Variants in SRRM4 observed in about 807,000 individuals in gnomAD.
SRRM4 encodes the protein serine/arginine repetitive matrix protein 4.
A neutral mutation model predicts 68.9 loss-of-function variants in SRRM4; 33 were observed. The ratio of observed to expected loss-of-function variants is 0.48; its 90% CI spans 0.36 to 0.64. The LOEUF (loss-of-function observed/expected upper bound fraction) is 0.64. Among genes scored for constraint, SRRM4 ranks in the 30% least tolerant of loss-of-function variants. SRRM4 has a pLI of 0.00. For missense variants in SRRM4, 817 were observed against 827.1 expected (o/e 0.99, Z 0.15); for synonymous variants, 318 against 318.8 (o/e 1.00, Z 0.03).
chr12:119,060,547 A>T (rs1443775092), intron 1 of SRRM4, among the ~76,000 whole-genome samples: 2 of 151,562 alleles, frequency 1.3e-5, no homozygotes, highest in Non-Finnish European at 2.9e-5. Flanking sequence ...AGTGTTCCTT[A>T]TGGCAGTCAG....
intron 3 of SRRM4, among the ~76,000 whole-genome samples, chr12:119,114,926 AGTGCTGGG>A (rs1309856861): frequency 6.6e-6 from 1 of 151,748 alleles, no homozygotes; most frequent in Non-Finnish European, 1.5e-5. Context: ...GGCCTTCCAA[AGTGCTGGG>A]GTTACAAGCG....
chr12:119,156,501 G>T lies in SRRM4; in HGVS notation c.1539G>T (p.Arg513=). 1 of 1,604,042 alleles carries T rather than the reference G, an allele frequency of 6.2e-7. No homozygotes were observed. Among genetic ancestry groups the T allele is most frequent in the Non-Finnish European group, 8.5e-7 (1 of 1,175,190 alleles). Residue 513 remains arginine, a synonymous_variant, in exon 13 of 13, where the codon CGG becomes CGT. Transcript: ENST00000267260. The part of the protein sequence containing the change: ...HLEARRITSA[R]KRPIPYYRPS... ...CTCTCTCTGGTCTCTGCAGTGCCCG[G>T]AAACGCCCCATCCCCTACTATCGGC...
chr12:119,029,361 C>T (rs753031450), intron 1 of SRRM4, among the ~76,000 whole-genome samples: 1 of 152,174 alleles, frequency 6.6e-6, no homozygotes, highest in Non-Finnish European at 1.5e-5. Context: ...TGTGAGCAAA[C>T]AGAGGAGAGA....
intron 6 of SRRM4, among the ~76,000 whole-genome samples, chr12:119,123,801 T>C (rs1954239006): frequency 6.6e-6 from 1 of 152,188 alleles, no homozygotes; most frequent in Admixed American, 6.5e-5. Flanking sequence ...GGCCCTACTA[T>C]GTGACTGGCC....
chr12:119,010,116 G>A (rs1354763879), intron 1 of SRRM4, among the ~76,000 whole-genome samples: 4 of 152,160 alleles, frequency 2.6e-5, no homozygotes, highest in South Asian at 2.1e-4. Context: ...GCAATGGTGC[G>A]ATCTTGGCTC....
intron 1 of SRRM4, among the ~76,000 whole-genome samples, chr12:119,092,889 C>T (rs1384872820): frequency 6.6e-6 from 1 of 152,030 alleles, no homozygotes; most frequent in African/African-American, 2.4e-5. Context: ...CATTACCTCT[C>T]TGACTTTACC....
chr12:119,070,408 T>A (rs1953871317), intron 1 of SRRM4, among the ~76,000 whole-genome samples: 2 of 152,110 alleles, frequency 1.3e-5, no homozygotes, highest in South Asian at 4.2e-4. Flanking sequence ...AGTAGGGGCA[T>A]CTTAGAGTTC....
At chr12:119,130,409 A>AGATG (rs71069491) in intron 7 of SRRM4, among the ~76,000 whole-genome samples, 8,078 of 142,416 alleles carry the variant, frequency 0.057, 376 homozygotes, top group East Asian at 0.25. Context: ...TTGCTTAGAC[A>AGATG]GATGGATGGA....
At chr12:119,048,277 T>C (rs7316677) in intron 1 of SRRM4, among the ~76,000 whole-genome samples, 90,175 of 151,964 alleles carry the variant, frequency 0.59, 27,943 homozygotes, top group Middle Eastern at 0.74. Context: ...CTAACCCAGT[T>C]CCAAATCAGG....
At chr12:119,112,027 G>C (rs1954147407) in intron 2 of SRRM4, among the ~76,000 whole-genome samples, 1 of 151,282 alleles carries the variant, frequency 6.6e-6, no homozygotes, top group Admixed American at 6.6e-5. Flanking sequence ...GCCTAGGCAA[G>C]AGAGTGAAAC....
At chr12:119,093,875 T>A (rs547054167) in intron 1 of SRRM4, among the ~76,000 whole-genome samples, 51 of 152,276 alleles carry the variant, frequency 3.3e-4, no homozygotes, top group African/African-American at 1.0e-3. Flanking sequence ...ATGAAGCAAA[T>A]AGGCAATTGA....
chr12:119,017,645 G>C (rs902307131), intron 1 of SRRM4, among the ~76,000 whole-genome samples: 1 of 152,158 alleles, frequency 6.6e-6, no homozygotes, highest in Non-Finnish European at 1.5e-5. Context: ...GACTAGAAGA[G>C]GAATAACAAA....
chr12:119,146,935 CAA>C (rs200936618), intron 9 of SRRM4, among the ~76,000 whole-genome samples: 1 of 136,180 alleles, frequency 7.3e-6, no homozygotes, highest in Non-Finnish European at 1.6e-5. Flanking sequence ...GACTCCATCT[CAA>C]AAAAAAAAAA....
rs528728889 is a variant in SRRM4, at chr12:119,085,988, T to C, written c.132-16248T>C. ...TAAGTTTGAGGTGCCTGTGGGACTT[T>C]CATGTGGAGAGGTAGAAAGAACACT... On this transcript the variant is annotated intron_variant, in intron 1 of 12. Transcript: ENST00000267260. 5.3e-5 allele frequency among the ~76,000 whole-genome samples: 8 copies of C among 152,244 alleles called. No individual in the cohort carries two copies. The South Asian group carries it at 1.7e-3, about 32-fold the overall frequency.
At chr12:119,013,557 C>T (rs61939810) in intron 1 of SRRM4, among the ~76,000 whole-genome samples, 35,527 of 152,066 alleles carry the variant, frequency 0.23, 5,498 homozygotes, top group Middle Eastern at 0.47. Context: ...CTAATGTATT[C>T]TTCCAGAAAT....
rs369482901 is a variant in SRRM4, at chr12:119,151,229, G to T, written c.1280+9G>T. 13 of 1,612,004 alleles carry T rather than the reference G, an allele frequency of 8.1e-6. No homozygotes were observed. Among genetic ancestry groups the T allele is most frequent in the African/African-American group, 1.3e-5 (1 of 74,890 alleles). On this transcript the variant is annotated intron_variant, in intron 10 of 12. Coordinates refer to ENST00000267260, the MANE Select transcript of SRRM4 (RefSeq NM_194286.4). ...ACCTCTTCTGAAAAAAGGTGAGTGT[G>T]GTTTTGACCTTTGCTCTGCAGCACC... is the stretch of plus-strand genomic sequence containing the variant.
At chr12:119,011,687 G>C (rs1439403262) in intron 1 of SRRM4, among the ~76,000 whole-genome samples, 1 of 152,222 alleles carries the variant, frequency 6.6e-6, no homozygotes, top group Non-Finnish European at 1.5e-5. Context: ...TGGGTTTGGG[G>C]CGTGGCAGAG....
intron 1 of SRRM4, among the ~76,000 whole-genome samples, chr12:119,029,175 T>C (rs1158141779): frequency 6.6e-6 from 1 of 152,188 alleles, no homozygotes; most frequent in Non-Finnish European, 1.5e-5. Flanking sequence ...GAAGCATGGC[T>C]TACATATACT....
intron 8 of SRRM4, among the ~76,000 whole-genome samples, chr12:119,137,106 T>C (rs899246633): frequency 2.0e-5 from 3 of 152,124 alleles, no homozygotes; most frequent in Non-Finnish European, 4.4e-5. Flanking sequence ...CAAAAGCTTT[T>C]TTTTTTTTAA....
Sources: gnomAD v4.1 joint callset for allele counts (sites outside exome capture counted in the v4.1 genomes callset) on GRCh38, gnomAD v4.1.1 for gene constraint, MANE v1.5 for transcripts, NCBI Gene and HGNC (gene_info 2026-07-23, HGNC 2026-07-21) for gene names.